LIFR: variants seen among roughly 807,000 people sequenced by gnomAD.
LIFR encodes leukemia inhibitory factor receptor.
LIFR carries 84 observed loss-of-function variants against 122.2 expected under a neutral mutation model. The ratio of observed to expected loss-of-function variants is 0.69; its 90% CI spans 0.58 to 0.82. The LOEUF is 0.82. Among genes scored for constraint, LIFR ranks in the 40% least tolerant of loss-of-function variants. LIFR has a pLI of 0.00. For synonymous variants in LIFR, 422 were observed against 434.7 expected (o/e 0.97, Z 0.36); for missense variants, 1,294 against 1,311.6 (o/e 0.99, Z 0.21).
chr5:38,502,596 T>C (rs1411212462), intron 11 of LIFR, 41 bp downstream of exon 11: 5 of 1,517,456 alleles, frequency 3.3e-6, no homozygotes, highest in Non-Finnish European at 3.7e-6. Flanking sequence ...AACTTCAGAA[T>C]ACACAGTAAT....
upstream of LIFR, among the ~76,000 whole-genome samples, chr5:38,597,932 TAGAC>T (rs1337511129): frequency 1.3e-5 from 2 of 152,062 alleles, no homozygotes; most frequent in Admixed American, 6.6e-5. Context: ...CATAAGGACA[TAGAC>T]AGCATTTCTG....
intron 2 of LIFR, among the ~76,000 whole-genome samples, chr5:38,604,236 A>G: frequency 6.6e-6 from 1 of 152,160 alleles, no homozygotes; most frequent in Admixed American, 6.5e-5. Context: ...TCTAGAAGAA[A>G]GGAAATTAAC....
upstream of LIFR, chr5:38,595,440 T>C (rs1750066604): frequency 6.6e-6 from 1 of 152,270 alleles, no homozygotes; most frequent in African/African-American, 2.4e-5. Flanking sequence ...TATATACATG[T>C]GTGGCATTGC....
At chr5:38,508,720 G>GC (rs1351580568) in intron 7 of LIFR, among the ~76,000 whole-genome samples, 2 of 151,306 alleles carry the variant, frequency 1.3e-5, no homozygotes, top group Non-Finnish European at 2.9e-5. Flanking sequence ...GAGACCACAG[G>GC]CGCCTGCCAC....
intron 1 of LIFR, among the ~76,000 whole-genome samples, chr5:38,580,521 A>C (rs189963883): frequency 8.9e-4 from 136 of 152,138 alleles, no homozygotes; most frequent in Non-Finnish European, 1.7e-3. Flanking sequence ...CACTTTCTAC[A>C]TCTGCCAGGG....
intron 6 of LIFR, among the ~76,000 whole-genome samples, chr5:38,511,452 C>T (rs1745797906): frequency 6.6e-6 from 1 of 151,884 alleles, no homozygotes; most frequent in Non-Finnish European, 1.5e-5. Context: ...GCTCTGTGAG[C>T]CAGAAATTGG....
At chr5:38,483,623 G>C (rs1279669437) in intron 18 of LIFR, among the ~76,000 whole-genome samples, 2 of 152,166 alleles carry the variant, frequency 1.3e-5, no homozygotes, top group South Asian at 2.1e-4. Flanking sequence ...TAGAGACAGG[G>C]TTTCACCATG....
upstream of LIFR, among the ~76,000 whole-genome samples, chr5:38,595,911 T>G (rs1275247140): frequency 1.3e-5 from 2 of 151,824 alleles, no homozygotes; most frequent in Admixed American, 6.6e-5. Context: ...TTTTTTTGCA[T>G]TTTTTCAGTA....
At chr5:38,542,455 G>A (rs1285782274) in intron 1 of LIFR, among the ~76,000 whole-genome samples, 3 of 151,930 alleles carry the variant, frequency 2.0e-5, no homozygotes, top group East Asian at 3.9e-4. Context: ...CTCCAGAGTC[G>A]GGCCTAGTTG....
rs750595472 is a variant in LIFR at position 38,493,710 on chromosome 5, G to A, written c.1961C>T (p.Thr654Ile). 3 of 1,614,138 alleles carry A rather than the reference G, an allele frequency of 1.9e-6. No individual in the cohort carries two copies. Among genetic ancestry groups the A allele is most frequent in the Non-Finnish European group, 2.5e-6 (3 of 1,179,992 alleles). Residue 654 changes from threonine to isoleucine, a missense_variant, in exon 14 of 20, where the codon ACT becomes ATT. Transcript: ENST00000453190. ...ACACCACTTAATGACGTAGTCGCAA[G>A]TCATGTTGGGGTCGTAATGCCAGGT... is the stretch of plus-strand genomic sequence containing the variant. ...LLTWHYDPNMTCDYVIKWCNS... is the reference protein window; with the variant it reads ...LLTWHYDPNMICDYVIKWCNS...
Position 38,478,500 on chromosome 5 carries a change from A to G in LIFR, c.*3095T>C, listed in dbSNP as rs1360727695. Reference sequence around the variant, plus strand: ...AAATCTAGGGCTGTATAAATTCAACAAATTGATGACCTAGATTGCATACAT... The same window carrying G: ...AAATCTAGGGCTGTATAAATTCAACGAATTGATGACCTAGATTGCATACAT... On this transcript the variant is annotated 3_prime_UTR_variant, in exon 20 of 20. Transcript: ENST00000453190. The G allele has an allele frequency of 2.9e-5, 6 of 207,400 alleles. No individual in the cohort carries two copies. Among genetic ancestry groups the G allele is most frequent in the African/African-American group, 1.4e-4 (6 of 43,902 alleles). The allele number at this position is 207,400 out of a possible 1,614,324, so 12.8% of individuals were successfully genotyped here.
Position 38,482,557 on chromosome 5 carries a change from T to C in LIFR, c.2670+32A>G, listed in dbSNP as rs763852784. ...AAGATTAAAAAAAGAAGCCAGCACA[T>C]CAAAGATAAATATAAGAAAATAAAA... On this transcript the variant is annotated intron_variant, in intron 19 of 19. Transcript: ENST00000453190. 12 of 1,126,802 alleles carry C rather than the reference T, an allele frequency of 1.1e-5. No individual in the cohort carries two copies. In the Middle Eastern group the frequency reaches 6.0e-4, roughly 56 times the overall value. 69.8% of individuals were successfully genotyped at this position (1,126,802 alleles called of 1,614,324 possible). A position where few individuals can be genotyped will look rare whatever the true frequency, so the allele number is the denominator to read the frequency against.
chr5:38,508,322 T>C (rs901118956), intron 7 of LIFR, among the ~76,000 whole-genome samples: 1 of 152,078 alleles, frequency 6.6e-6, no homozygotes, highest in Non-Finnish European at 1.5e-5. Context: ...AGAAAACACC[T>C]AGCACTAGGA....
chr5:38,600,290 A>C (rs1405103742), upstream of LIFR, among the ~76,000 whole-genome samples: 1 of 152,216 alleles, frequency 6.6e-6, no homozygotes, highest in African/African-American at 2.4e-5. Flanking sequence ...CACCTTGGAC[A>C]CATATTCTCA....
At chr5:38,532,719 T>G (rs1441416108) in intron 1 of LIFR, among the ~76,000 whole-genome samples, 1 of 152,110 alleles carries the variant, frequency 6.6e-6, no homozygotes, top group East Asian at 1.9e-4. Context: ...ACATCAGACT[T>G]CCCCACCAAG....
intron 5 of LIFR, among the ~76,000 whole-genome samples, chr5:38,514,544 A>C (rs1361439696): frequency 6.6e-6 from 1 of 152,248 alleles, no homozygotes; most frequent in Non-Finnish European, 1.5e-5. Context: ...ACAACTTCTC[A>C]GTAATAGTAA....
At chr5:38,526,128 A>AGG (rs1746665191) in intron 4 of LIFR, among the ~76,000 whole-genome samples, 1 of 152,228 alleles carries the variant, frequency 6.6e-6, no homozygotes, top group African/African-American at 2.4e-5. Context: ...CTTTGTGCTA[A>AGG]ACAGACATGT....
upstream of LIFR, chr5:38,556,769 C>T (rs1028543624): frequency 4.1e-5 from 6 of 147,618 alleles, no homozygotes; most frequent in African/African-American, 1.5e-4. Context: ...CCCGCCGATC[C>T]CCGGCCGCGC....
In LIFR at chr5:38,502,720, G is replaced by A. The variant is rs1264340150; in HGVS notation, c.1517C>T (p.Thr506Ile). 3 of 1,610,698 alleles carry A rather than the reference G, an allele frequency of 1.9e-6. No individual in the cohort carries two copies. The highest frequency in any genetic ancestry group is 1.7e-6 in the Non-Finnish European group (2 of 1,177,134). The change falls in exon 11 of 20, where the codon ACT becomes ATT. Residue 506 changes from threonine to isoleucine, a missense_variant. Thr to Ile is a moderately conservative substitution (Grantham distance 89). Coordinates refer to ENST00000453190, the MANE Select transcript of LIFR (RefSeq NM_001127671.2). ...LDKLNPYTLY[T>I]FRIRCSTETF... ...TTCAGTAGAACAACGAATCCGAAAA[G>A]TATATAGAGTGTATGGATTTAACTT...
Sources: allele counts gnomAD v4.1 joint callset (sites outside exome capture counted in the v4.1 genomes callset), GRCh38; gene constraint gnomAD v4.1.1; transcripts MANE v1.5; gene names NCBI Gene and HGNC (gene_info 2026-07-23, HGNC 2026-07-21).